Variants in XIAP observed in about 807,000 individuals in gnomAD.
The protein encoded by XIAP is X-linked inhibitor of apoptosis, also known as E3 ubiquitin-protein ligase XIAP.
Under a neutral mutation model 33.1 loss-of-function variants are expected in XIAP, and 3 were observed. The observed-to-expected ratio is 0.09, with a 90% CI of 0.04 to 0.23. The LOEUF (loss-of-function observed/expected upper bound fraction) is 0.23, where lower values mean the gene tolerates loss of function less well. Ranked by LOEUF, XIAP falls within the 10% of genes least tolerant of loss-of-function variation. The pLI is 1.00. For synonymous variants in XIAP, 98 were observed against 121.3 expected, an observed-to-expected ratio of 0.81 and a Z score of 1.26; for missense variants, 264 against 363.0, an observed-to-expected ratio of 0.73 and a Z score of 2.22.
At chrX:123,900,367 G>T (rs2053504157) in intron 5 of XIAP, 126 bp from the exon 6 acceptor site, 3 of 598,857 alleles carry the variant, frequency 5.0e-6, no homozygotes, top group Non-Finnish European at 7.9e-6. Context: ...TGCTTTGCTG[G>T]TTTGTTTTTA....
intron 1 of XIAP, among the ~76,000 whole-genome samples, chrX:123,875,030 T>A (rs1385422721): frequency 2.9e-5 from 3 of 105,093 alleles, no homozygotes; most frequent in East Asian, 3.0e-4. Flanking sequence ...ATTTATTTTT[T>A]TTTTTTTTTG....
rs2053582763 is a variant in XIAP, at chrX:123,909,677, A to G, written c.*2496A>G. The G allele has an allele frequency of 3.0e-6, 1 of 328,999 alleles. No individual in the cohort carries two copies. Among genetic ancestry groups the G allele is most frequent in the Non-Finnish European group, 5.9e-6 (1 of 169,822 alleles). The allele number at this position is 328,999 out of a possible 1,213,427, so 27.1% of individuals were successfully genotyped here. A position where few individuals can be genotyped will look rare whatever the true frequency, so the allele number is the denominator to read the frequency against. ...CGCACTTCATTAAAATTCTTCTAAA[A>G]CTTGTATGTTTAGAGTTAAGCAAGA... On this transcript the variant is annotated 3_prime_UTR_variant, in exon 7 of 7. Transcript: ENST00000371199.
rs1256449393 is a variant in XIAP, at chrX:123,888,009, A to G, written c.878-610A>G. Among the ~76,000 whole-genome samples the G allele has an allele frequency of 6.3e-5, 4 of 63,575 alleles. 1 individual carries two copies. The highest frequency in any genetic ancestry group is 1.9e-4 in the African/African-American group (4 of 21,541). 55.2% of individuals were successfully genotyped at this position (63,575 alleles called of 115,157 possible). A position where few individuals can be genotyped will look rare whatever the true frequency, so the allele number is the denominator to read the frequency against. On this transcript the variant is annotated intron_variant, in intron 2 of 6. Transcript: ENST00000371199. ...CAGAAAAAAATAATAATAATTAATA[A>G]ATAAATAAATAAATAAATAAATAAA... is the stretch of plus-strand genomic sequence containing the variant.
intron 1 of XIAP, among the ~76,000 whole-genome samples, chrX:123,862,628 A>AGGTG (rs1556396715): frequency 1.9e-5 from 2 of 107,694 alleles, no homozygotes; most frequent in Admixed American, 1.0e-4. Flanking sequence ...TGGGACGCCA[A>AGGTG]GGCGGGCAGA....
intron 1 of XIAP, among the ~76,000 whole-genome samples, chrX:123,871,451 T>C (rs1454840657): frequency 4.5e-5 from 5 of 111,553 alleles, no homozygotes; most frequent in Non-Finnish European, 3.8e-5. Flanking sequence ...TCCGGTTCCA[T>C]GCCACTAATC....
rs750669911 is a variant in XIAP at position 123,912,689 on chromosome X, T to G, written c.*5508T>G. The G allele has an allele frequency of 2.0e-5, 6 of 303,030 alleles. No individual in the cohort carries two copies. The highest frequency in any genetic ancestry group is 3.8e-5 in the Non-Finnish European group (6 of 158,073). 25.0% of individuals were successfully genotyped at this position (303,030 alleles called of 1,213,427 possible). On this transcript the variant is annotated 3_prime_UTR_variant, in exon 7 of 7. Coordinates refer to ENST00000371199, the MANE Select transcript of XIAP (RefSeq NM_001167.4). Reference sequence around the variant, plus strand: ...GCATACATTATATGCAAATACTGTTTTTTTTTTTTTTAATTTAAACAGTCT... The same window carrying G: ...GCATACATTATATGCAAATACTGTTGTTTTTTTTTTTAATTTAAACAGTCT...
rs374184914 is a variant in XIAP at position 123,900,542 on chromosome X, G to A, written c.1149G>A (p.Gly383=). The A allele has an allele frequency of 8.3e-6, 10 of 1,209,454 alleles. No homozygotes were observed. The highest frequency in any genetic ancestry group is 7.0e-5 in the African/African-American group (4 of 57,164). The change falls in exon 6 of 7, where the codon GGG becomes GGA. Residue 383 remains glycine (G), a synonymous_variant. Transcript: ENST00000371199. ...NPMVQEAIRM[G]FSFKDIKKIM... is the part of the protein sequence containing the mutation. ...TGGTACAAGAAGCTATACGAATGGGGTTCAGTTTCAAGGACATTAAGAAAA... is the reference window on the plus strand; with the variant it reads ...TGGTACAAGAAGCTATACGAATGGGATTCAGTTTCAAGGACATTAAGAAAA...
rs2053396306 is a variant in XIAP at position 123,890,432 on chromosome X, TG to T, written c.978-803del. 3.8e-5 allele frequency among the ~76,000 whole-genome samples: 4 copies of T among 104,292 alleles called. No homozygotes were observed. The South Asian group carries it at 1.8e-3, about 47-fold the overall frequency. 90.6% of individuals were successfully genotyped at this position (104,292 alleles called of 115,157 possible). ...GGAGCCCAAGAGTTTGAGACCAGCC[TG>T]GGCAACATAGTAAGACCCTGTCTCT... On this transcript the variant is annotated intron_variant, in intron 3 of 6. Coordinates refer to ENST00000371199, the MANE Select transcript of XIAP (RefSeq NM_001167.4).
chrX:123,886,133 C>T lies in XIAP; in HGVS notation c.471C>T (p.Asn157=), dbSNP rs371353094. 25 of 1,211,601 alleles carry T rather than the reference C, an allele frequency of 2.1e-5. 1 individual carries two copies. In the South Asian group the frequency reaches 2.6e-4, roughly 13 times the overall value. Residue 157 remains asparagine, a synonymous_variant, in exon 2 of 7, where the codon AAC becomes AAT. Coordinates refer to ENST00000371199, the MANE Select transcript of XIAP (RefSeq NM_001167.4). The part of the protein sequence containing the change: ...VDISDTIYPR[N]PAMYSEEARL... The stretch of plus-strand genomic sequence containing the variant: ...TATCAGACACCATATACCCGAGGAA[C>T]CCTGCCATGTATAGTGAAGAAGCTA...
chrX:123,874,170 A>G (rs1477956821), intron 1 of XIAP, among the ~76,000 whole-genome samples: 3 of 111,934 alleles, frequency 2.7e-5, no homozygotes, highest in East Asian at 2.8e-4. Context: ...TCACATGGCA[A>G]ATAACCAGAT....
At chrX:123,892,687 C>T in intron 4 of XIAP, 44 bp from the exon 5 acceptor site, 2 of 1,097,002 alleles carry the variant, frequency 1.8e-6, no homozygotes, top group Non-Finnish European at 1.3e-6. Context: ...ATGATTGCCT[C>T]TACCAAAAAT....
At chrX:123,884,944 C>CAAAAAAAAAAAAAAAAAAAAAAAA (rs5903649) in intron 1 of XIAP, among the ~76,000 whole-genome samples, 17 of 92,097 alleles carry the variant, frequency 1.8e-4, no homozygotes, top group African/African-American at 6.5e-4. Context: ...ATGTCATGGG[C>CAAAAAAAAAAAAAAAAAAAAAAAA]AAAAAAAAAA....
At chrX:123,877,068 CTT>C (rs771164262) in intron 1 of XIAP, among the ~76,000 whole-genome samples, 3 of 97,501 alleles carry the variant, frequency 3.1e-5, no homozygotes. Flanking sequence ...AATTAATTGC[CTT>C]TTTTTTTTTT....
intron 5 of XIAP, among the ~76,000 whole-genome samples, chrX:123,896,812 G>A (rs1429212559): frequency 1.8e-5 from 2 of 109,117 alleles, no homozygotes; most frequent in Non-Finnish European, 3.8e-5. Flanking sequence ...TCAAACTCCT[G>A]ACCTCGTGAT....
intron 1 of XIAP, among the ~76,000 whole-genome samples, chrX:123,881,370 T>C (rs7885634): frequency 7.0e-4 from 78 of 111,450 alleles, no homozygotes; most frequent in African/African-American, 2.3e-3. Context: ...TTAGATCCTA[T>C]ATTTTTTTAC....
At chrX:123,904,117 G>A (rs767478106) in intron 6 of XIAP, among the ~76,000 whole-genome samples, 49 of 110,812 alleles carry the variant, frequency 4.4e-4, no homozygotes, top group Admixed American at 1.6e-3. Context: ...CTTCCTTTTT[G>A]TGGAGAACGG....
intron 1 of XIAP, among the ~76,000 whole-genome samples, chrX:123,861,998 C>G (rs1204922797): frequency 1.3e-4 from 15 of 112,154 alleles, no homozygotes; most frequent in Non-Finnish European, 2.8e-4. Context: ...AATCTGGGTA[C>G]TTGCTTCAGT....
At position 123,867,037 on chromosome X, in the gene XIAP, T is replaced by TCTC. The variant is rs36069477; in HGVS notation, c.-33+6745_-33+6746insTCC. On this transcript the variant is annotated intron_variant, in intron 1 of 6. Coordinates refer to ENST00000371199, the MANE Select transcript of XIAP (RefSeq NM_001167.4). ...TCATATTGTCTACAGGTTGTTTTAA[T>TCTC]CCCCCCCCCCCCTTCAACATTCTAT... is the stretch of plus-strand genomic sequence containing the variant. Among the ~76,000 whole-genome samples the TCTC allele has an allele frequency of 9.0e-4, 34 of 37,951 alleles. 2 individuals carry two copies. The highest frequency in any genetic ancestry group is 1.8e-3 in the African/African-American group (13 of 7,205). The allele number at this position is 37,951 out of a possible 115,157, so 33.0% of individuals were successfully genotyped here. A position where few individuals can be genotyped will look rare whatever the true frequency, so the allele number is the denominator to read the frequency against.
At chrX:123,894,566 C>A (rs756387274) in intron 5 of XIAP, among the ~76,000 whole-genome samples, 1 of 110,929 alleles carries the variant, frequency 9.0e-6, no homozygotes, top group Non-Finnish European at 1.9e-5. Context: ...GTCCAGAGTT[C>A]CAGACCAGCC....
Sources: allele counts gnomAD v4.1 joint callset (sites outside exome capture counted in the v4.1 genomes callset), GRCh38; gene constraint gnomAD v4.1.1; transcripts MANE v1.5; gene names NCBI Gene and HGNC (gene_info 2026-07-23, HGNC 2026-07-21).